SEMA5A: variants seen among roughly 807,000 people sequenced by gnomAD.
The protein encoded by SEMA5A is semaphorin-5A.
A neutral mutation model predicts 135.5 loss-of-function variants in SEMA5A; 55 were observed. The ratio of observed to expected loss-of-function variants is 0.41; its 90% CI spans 0.33 to 0.51. The LOEUF (loss-of-function observed/expected upper bound fraction) is 0.51, where lower values mean the gene tolerates loss of function less well. Ranked by LOEUF, SEMA5A falls within the 20% of genes least tolerant of loss-of-function variation. The probability of loss-of-function intolerance (pLI) is 0.37; values close to 1 mark genes in which losing one functional copy is unlikely to be tolerated. For synonymous variants in SEMA5A, 580 were observed against 546.5 expected, an observed-to-expected ratio of 1.06 and a Z score of -0.85; for missense variants, 1,290 against 1,419.9, an observed-to-expected ratio of 0.91 and a Z score of 1.47.
At chr5:9,464,175 T>C (rs1239700346) in intron 1 of SEMA5A, among the ~76,000 whole-genome samples, 1 of 152,184 alleles carries the variant, frequency 6.6e-6, no homozygotes, top group Non-Finnish European at 1.5e-5. Flanking sequence ...AAATGTCCCC[T>C]AGGAAACAAA....
chr5:9,496,114 G>T (rs777930113), intron 1 of SEMA5A, among the ~76,000 whole-genome samples: 2 of 152,058 alleles, frequency 1.3e-5, no homozygotes, highest in African/African-American at 2.4e-5. Flanking sequence ...GCATGATCTC[G>T]GCTCACTGTA....
At chr5:9,389,310 T>A (rs1037394707) in intron 2 of SEMA5A, among the ~76,000 whole-genome samples, 1 of 152,218 alleles carries the variant, frequency 6.6e-6, no homozygotes, top group African/African-American at 2.4e-5. Flanking sequence ...CAAACCCATG[T>A]GATTTCACAT....
At chr5:9,391,424 T>TC (rs75716432) in intron 2 of SEMA5A, among the ~76,000 whole-genome samples, 36,397 of 151,936 alleles carry the variant, frequency 0.24, 4,907 homozygotes, top group East Asian at 0.46. Flanking sequence ...AACTGCAACT[T>TC]CATCTGCCTC....
At chr5:9,476,329 A>C (rs539502797) in intron 1 of SEMA5A, among the ~76,000 whole-genome samples, 12 of 152,314 alleles carry the variant, frequency 7.9e-5, no homozygotes, top group African/African-American at 2.9e-4. Flanking sequence ...TTATAGTTAC[A>C]TCAACCCTTG....
chr5:9,463,049 G>A (rs1759116415), intron 1 of SEMA5A, among the ~76,000 whole-genome samples: 1 of 151,468 alleles, frequency 6.6e-6, no homozygotes, highest in Admixed American at 6.6e-5. Context: ...TGCCTTTTGT[G>A]GATGCTTAAA....
intron 5 of SEMA5A, among the ~76,000 whole-genome samples, chr5:9,275,988 G>T (rs1247501062): frequency 2.6e-5 from 4 of 152,088 alleles, no homozygotes; most frequent in African/African-American, 7.2e-5. Context: ...AAGAAATAAA[G>T]GTTATTCAAT....
At chr5:9,476,384 A>T (rs890713218) in intron 1 of SEMA5A, among the ~76,000 whole-genome samples, 1 of 152,152 alleles carries the variant, frequency 6.6e-6, no homozygotes, top group African/African-American at 2.4e-5. Context: ...TTACCAAGCT[A>T]ATAGGTGAAA....
At chr5:9,203,198 C>T (rs145110820) in intron 8 of SEMA5A, among the ~76,000 whole-genome samples, 5 of 152,268 alleles carry the variant, frequency 3.3e-5, no homozygotes, top group Non-Finnish European at 7.4e-5. Context: ...TTATTCTTCG[C>T]TATTTCTAAA....
chr5:9,199,908 C>T (rs775013546), intron 9 of SEMA5A, among the ~76,000 whole-genome samples: 8 of 152,124 alleles, frequency 5.3e-5, no homozygotes, highest in Admixed American at 2.0e-4. Flanking sequence ...CAGAAGGAGT[C>T]GGAATGGTTA....
At chr5:9,047,391 C>T (rs1028695057) in intron 21 of SEMA5A, among the ~76,000 whole-genome samples, 1 of 152,128 alleles carries the variant, frequency 6.6e-6, no homozygotes, top group African/African-American at 2.4e-5. Context: ...CTAAAAATAG[C>T]TCTCTAAGAC....
At chr5:9,110,147 A>C (rs1740162033) in intron 15 of SEMA5A, among the ~76,000 whole-genome samples, 1 of 152,210 alleles carries the variant, frequency 6.6e-6, no homozygotes, top group Non-Finnish European at 1.5e-5. Flanking sequence ...CAAAACATAA[A>C]AAGGCAACAG....
chr5:9,206,351 C>A (rs1010830512), intron 8 of SEMA5A, among the ~76,000 whole-genome samples: 3 of 152,068 alleles, frequency 2.0e-5, no homozygotes, highest in African/African-American at 7.2e-5. Context: ...AAGAATTCTT[C>A]TTCATGATAT....
intron 16 of SEMA5A, among the ~76,000 whole-genome samples, chr5:9,080,751 C>A (rs529416611): frequency 1.2e-4 from 19 of 152,216 alleles, no homozygotes; most frequent in Admixed American, 1.0e-3. Context: ...GCCTTCAGAG[C>A]AGCTGGTCCA....
rs386352358 is a variant in SEMA5A, at chr5:9,044,550, C to T, written c.2928G>A (p.Leu976=). ...FNMFHMIAVG[L]SSSILGCLLT... ...GGAGGCAGCCGAGGATGGAGCTGCT[C>T]AGCCCCACGGCGATCATGTGGAACA... Residue 976 remains leucine (L), a synonymous_variant, in exon 22 of 23, where the codon CTG becomes CTA. Coordinates refer to ENST00000382496, the MANE Select transcript of SEMA5A (RefSeq NM_003966.3). 6.2e-7 allele frequency: 1 copy of T among 1,613,874 alleles called. No individual in the cohort carries two copies. Among genetic ancestry groups the T allele is most frequent in the Non-Finnish European group, 8.5e-7 (1 of 1,180,006 alleles).
chr5:9,378,106 A>G (rs1041807899), intron 3 of SEMA5A, among the ~76,000 whole-genome samples: 2 of 152,202 alleles, frequency 1.3e-5, no homozygotes, highest in African/African-American at 4.8e-5. Context: ...TATAATAATC[A>G]AAATAAGAAA....
chr5:9,154,045 CAAAAAAAAA>C (rs1157417525), intron 12 of SEMA5A, among the ~76,000 whole-genome samples: 5 of 34,198 alleles, frequency 1.5e-4, no homozygotes, highest in African/African-American at 6.3e-4. Flanking sequence ...GACTGTGTCT[CAAAAAAAAA>C]AAAAAAAAAT....
intron 12 of SEMA5A, among the ~76,000 whole-genome samples, chr5:9,145,909 T>G (rs1256628502): frequency 6.6e-6 from 1 of 151,882 alleles, no homozygotes; most frequent in Non-Finnish European, 1.5e-5. Flanking sequence ...CCTCCCAAAG[T>G]GCTGGGATTA....
At chr5:9,441,558 G>A (rs560847666) in intron 1 of SEMA5A, among the ~76,000 whole-genome samples, 7 of 151,982 alleles carry the variant, frequency 4.6e-5, no homozygotes, top group African/African-American at 1.4e-4. Flanking sequence ...GAATGAGATA[G>A]GTGAAAAAAA....
intron 12 of SEMA5A, among the ~76,000 whole-genome samples, chr5:9,148,658 A>G (rs1742468557): frequency 6.6e-6 from 1 of 152,122 alleles, no homozygotes; most frequent in African/African-American, 2.4e-5. Flanking sequence ...ACAGCATGGA[A>G]CGGGCTCCTG....
Sources: gnomAD v4.1 joint callset for allele counts (sites outside exome capture counted in the v4.1 genomes callset) on GRCh38, gnomAD v4.1.1 for gene constraint, MANE v1.5 for transcripts, NCBI Gene and HGNC (gene_info 2026-07-23, HGNC 2026-07-21) for gene names.